Variants in HTR1F observed in about 807,000 individuals in gnomAD.
HTR1F encodes the protein 5-hydroxytryptamine receptor 1F, also known as 5-hydroxytryptamine (serotonin) receptor 1F, G protein-coupled.
In HTR1F, 17 loss-of-function variants were observed where a neutral mutation model predicts 24.0. That is an observed-to-expected ratio of 0.71 (90% CI 0.48 to 1.06). The LOEUF is 1.06. Ranked by LOEUF, HTR1F falls within the 50% of genes least tolerant of loss-of-function variation. HTR1F has a pLI of 0.00. For synonymous variants in HTR1F, 186 were observed against 156.8 expected, an observed-to-expected ratio of 1.19 and a Z score of -1.39; for missense variants, 391 against 427.8, an observed-to-expected ratio of 0.91 and a Z score of 0.76.
chr3:87,971,449 C>G (rs905010913), intron 2 of HTR1F, among the ~76,000 whole-genome samples: 9 of 151,924 alleles, frequency 5.9e-5, no homozygotes, highest in African/African-American at 1.9e-4. Flanking sequence ...ATCTCAGCTA[C>G]TAGGGAGTCT....
chr3:87,926,500 T>C lies in HTR1F; in HGVS notation c.-42-64208T>C, dbSNP rs927063647. 2.0e-5 allele frequency among the ~76,000 whole-genome samples: 3 copies of C among 152,354 alleles called. 1 individual carries two copies. On this transcript the variant is annotated intron_variant, in intron 2 of 2. Coordinates refer to ENST00000319595, the MANE Select transcript of HTR1F (RefSeq NM_001322209.2). ...CCCCTAATCTGTGAGCCTATTTTGATGAGATATTGTTCATTAATCTTTGTA... is the reference window on the plus strand; with the variant it reads ...CCCCTAATCTGTGAGCCTATTTTGACGAGATATTGTTCATTAATCTTTGTA...
chr3:87,878,359 A>T, intron 2 of HTR1F, among the ~76,000 whole-genome samples: 1 of 151,854 alleles, frequency 6.6e-6, no homozygotes, highest in Non-Finnish European at 1.5e-5. Context: ...AGACCCAGGA[A>T]GTAAATGCTA....
Position 87,991,921 on chromosome 3 carries a change from T to G in HTR1F, c.*71T>G, listed in dbSNP as rs187412239. On this transcript the variant is annotated 3_prime_UTR_variant, in exon 3 of 3. Transcript: ENST00000319595. ...GAATAACTAGATGAATGCCAAATAA[T>G]AAAACACTTAAGCTTTTAGAGGGAA... is the stretch of plus-strand genomic sequence containing the variant. 1.5e-6 allele frequency: 2 copies of G among 1,296,506 alleles called. No individual in the cohort carries two copies. The highest frequency in any genetic ancestry group is 4.7e-5 in the East Asian group (2 of 42,338). 80.3% of individuals were successfully genotyped at this position (1,296,506 alleles called of 1,614,324 possible).
intron 2 of HTR1F, among the ~76,000 whole-genome samples, chr3:87,890,186 T>C (rs991917951): frequency 1.3e-4 from 20 of 152,200 alleles, no homozygotes; most frequent in Non-Finnish European, 2.5e-4. Context: ...GGGTTTGCTC[T>C]TTGTGTCATC....
intron 1 of HTR1F, among the ~76,000 whole-genome samples, chr3:87,795,646 C>T (rs577264743): frequency 6.6e-6 from 1 of 152,290 alleles, no homozygotes; most frequent in South Asian, 2.1e-4. Context: ...AACCTAGAAC[C>T]ACAGTTCCCG....
At chr3:87,852,569 C>G (rs1162789127) in intron 2 of HTR1F, among the ~76,000 whole-genome samples, 1 of 151,538 alleles carries the variant, frequency 6.6e-6, no homozygotes, top group Non-Finnish European at 1.5e-5. Flanking sequence ...ATTCTGCAAG[C>G]AATTTGTAGA....
At chr3:87,909,540 T>G (rs1703731821) in intron 2 of HTR1F, among the ~76,000 whole-genome samples, 1 of 152,018 alleles carries the variant, frequency 6.6e-6, no homozygotes, top group Non-Finnish European at 1.5e-5. Flanking sequence ...AGAAGCCTAC[T>G]AGTAACAAAC....
At chr3:87,973,600 C>T (rs1296180191) in intron 2 of HTR1F, among the ~76,000 whole-genome samples, 2 of 152,098 alleles carry the variant, frequency 1.3e-5, no homozygotes, top group African/African-American at 2.4e-5. Flanking sequence ...ATAAATTGTG[C>T]TTTGTATCTC....
At chr3:87,881,041 A>G (rs1705782946) in intron 2 of HTR1F, among the ~76,000 whole-genome samples, 1 of 152,292 alleles carries the variant, frequency 6.6e-6, no homozygotes, top group African/African-American at 2.4e-5. Context: ...CTGCATTTCC[A>G]ACTTAGGTAC....
At position 87,993,207 on chromosome 3, in the gene HTR1F, GT is replaced by G. The variant is rs1232102380; in HGVS notation, c.*1359del. ...GTAAATATTCCTTCCTGATGGTGTG[GT>G]TAAGAGTACATTACATCAATTTTAT... On this transcript the variant is annotated 3_prime_UTR_variant, in exon 3 of 3. Coordinates refer to ENST00000319595, the MANE Select transcript of HTR1F (RefSeq NM_001322209.2). 3 of 166,584 alleles carry G rather than the reference GT, an allele frequency of 1.8e-5. No homozygotes were observed. Among genetic ancestry groups the G allele is most frequent in the Non-Finnish European group, 4.4e-5 (3 of 68,006 alleles). The allele number at this position is 166,584 out of a possible 1,614,324, so 10.3% of individuals were successfully genotyped here. A position where few individuals can be genotyped will look rare whatever the true frequency, so the allele number is the denominator to read the frequency against.
chr3:87,831,299 T>C (rs1318715216), intron 2 of HTR1F, among the ~76,000 whole-genome samples: 1 of 150,272 alleles, frequency 6.7e-6, no homozygotes, highest in African/African-American at 2.4e-5. Flanking sequence ...CTAACTTTAG[T>C]AGGGTCTTTG....
At chr3:87,835,642 A>G (rs73145251) in intron 2 of HTR1F, among the ~76,000 whole-genome samples, 7,773 of 152,298 alleles carry the variant, frequency 0.051, 249 homozygotes, top group Middle Eastern at 0.092. Flanking sequence ...TCCTTCTGGT[A>G]TTAAATCAAG....
intron 1 of HTR1F, among the ~76,000 whole-genome samples, chr3:87,797,391 A>G (rs1286807124): frequency 1.3e-5 from 2 of 152,206 alleles, no homozygotes; most frequent in African/African-American, 2.4e-5. Context: ...AAAGATCTGC[A>G]AAGTCTGCTA....
chr3:87,796,574 G>A (rs1703909650), intron 1 of HTR1F, among the ~76,000 whole-genome samples: 2 of 152,106 alleles, frequency 1.3e-5, no homozygotes, highest in South Asian at 2.1e-4. Flanking sequence ...GAAGAGGGTA[G>A]GAGCCATAAA....
chr3:87,955,329 A>T lies in HTR1F; in HGVS notation c.-42-35379A>T, dbSNP rs1704920880. On this transcript the variant is annotated intron_variant, in intron 2 of 2. Coordinates refer to ENST00000319595, the MANE Select transcript of HTR1F (RefSeq NM_001322209.2). The stretch of plus-strand genomic sequence containing the variant: ...ACCCTTTTTATGTCTGGCTTCTTTA[A>T]CTCAGCATAATGATTTTGAGATTCA... 2.6e-5 allele frequency among the ~76,000 whole-genome samples: 4 copies of T among 151,470 alleles called. No homozygotes were observed. The South Asian group carries it at 8.3e-4, about 31-fold the overall frequency.
intron 2 of HTR1F, among the ~76,000 whole-genome samples, chr3:87,935,381 T>C (rs1341191138): frequency 6.6e-6 from 1 of 152,198 alleles, no homozygotes; most frequent in Non-Finnish European, 1.5e-5. Context: ...TTCACTCTTC[T>C]TTCCTCTCAA....
chr3:87,975,825 G>C (rs968389450), intron 2 of HTR1F, among the ~76,000 whole-genome samples: 16 of 152,194 alleles, frequency 1.1e-4, no homozygotes, highest in African/African-American at 3.9e-4. Flanking sequence ...GATTGCATTT[G>C]AGCAGAGCTC....
chr3:87,971,061 T>C (rs898156281), intron 2 of HTR1F, among the ~76,000 whole-genome samples: 3 of 152,140 alleles, frequency 2.0e-5, no homozygotes, highest in Admixed American at 1.3e-4. Flanking sequence ...AAAGAGAAAA[T>C]AGAAATTATG....
rs2107118270 is a variant in HTR1F at position 87,818,929 on chromosome 3, T to C, written c.-159-3079T>C. ...TTGACCATCCTCAACAACTAGCACC[T>C]TATTGCTGGTTTAATAAACATATAT... is the stretch of plus-strand genomic sequence containing the variant. On this transcript the variant is annotated intron_variant, in intron 1 of 2. Coordinates refer to ENST00000319595, the MANE Select transcript of HTR1F (RefSeq NM_001322209.2). Among the ~76,000 whole-genome samples the C allele has an allele frequency of 2.0e-5, 3 of 152,322 alleles. No homozygotes were observed. The South Asian group carries it at 6.2e-4, about 32-fold the overall frequency.
Sources: gnomAD v4.1 joint callset for allele counts (sites outside exome capture counted in the v4.1 genomes callset) on GRCh38, gnomAD v4.1.1 for gene constraint, MANE v1.5 for transcripts, NCBI Gene and HGNC (gene_info 2026-07-23, HGNC 2026-07-21) for gene names.